ATXN7L1: variants seen among roughly 807,000 people sequenced by gnomAD.
ATXN7L1 encodes the protein ataxin 7 like 1.
ATXN7L1 carries 15 observed loss-of-function variants against 70.8 expected under a neutral mutation model. The ratio of observed to expected loss-of-function variants is 0.21; its 90% CI spans 0.14 to 0.33. The LOEUF (loss-of-function observed/expected upper bound fraction) is 0.33, where lower values mean the gene tolerates loss of function less well. Ranked by LOEUF, ATXN7L1 falls within the 10% of genes least tolerant of loss-of-function variation. The pLI is 1.00. For synonymous variants in ATXN7L1, 440 were observed against 445.1 expected, an observed-to-expected ratio of 0.99 and a Z score of 0.14; for missense variants, 975 against 1,097.1, an observed-to-expected ratio of 0.89 and a Z score of 1.57.
intron 3 of ATXN7L1, among the ~76,000 whole-genome samples, chr7:105,774,496 T>A (rs942401239): frequency 6.6e-6 from 1 of 151,910 alleles, no homozygotes; most frequent in African/African-American, 2.4e-5. Context: ...AGATAACAGA[T>A]GTGTGCTACC....
intron 2 of ATXN7L1, among the ~76,000 whole-genome samples, chr7:105,812,919 C>T (rs1213345728): frequency 6.6e-6 from 1 of 152,120 alleles, no homozygotes; most frequent in Admixed American, 6.6e-5. Flanking sequence ...GGAGGAATAT[C>T]TAAGCCTGGG....
intron 3 of ATXN7L1, among the ~76,000 whole-genome samples, chr7:105,733,128 T>C (rs1796762774): frequency 6.6e-6 from 1 of 152,230 alleles, no homozygotes; most frequent in African/African-American, 2.4e-5. Context: ...GCAGGGGCTT[T>C]ACCTGTTTTC....
chr7:105,694,206 C>T (rs1791417385), intron 3 of ATXN7L1, among the ~76,000 whole-genome samples: 1 of 152,144 alleles, frequency 6.6e-6, no homozygotes, highest in African/African-American at 2.4e-5. Context: ...TGCCACTGCA[C>T]CTGGCTAATT....
intron 3 of ATXN7L1, among the ~76,000 whole-genome samples, chr7:105,666,117 G>T (rs1802576646): frequency 6.6e-6 from 1 of 152,142 alleles, no homozygotes; most frequent in South Asian, 2.1e-4. Context: ...CCGCTATGGG[G>T]TTCTTAAATT....
intron 3 of ATXN7L1, among the ~76,000 whole-genome samples, chr7:105,747,693 C>T (rs1798734306): frequency 6.6e-6 from 1 of 152,156 alleles, no homozygotes; most frequent in Non-Finnish European, 1.5e-5. Flanking sequence ...GGACTGAGCC[C>T]TCACCCTATG....
At chr7:105,723,163 G>A (rs1351496265) in intron 3 of ATXN7L1, among the ~76,000 whole-genome samples, 1 of 152,222 alleles carries the variant, frequency 6.6e-6, no homozygotes, top group Non-Finnish European at 1.5e-5. Context: ...CTGCAAAGCA[G>A]AGGGGCTAAG....
rs1002983012 is a variant in ATXN7L1, at chr7:105,876,449, G to A, written c.110C>T (p.Pro37Leu). Residue 37 changes from proline (P) to leucine (L), a missense_variant, in exon 1 of 12, where the codon CCC (proline) becomes CTC (leucine). By Grantham distance (98) the Pro-to-Leu change is moderately conservative. Transcript: ENST00000419735. Reference sequence around the variant, plus strand: ...TTTGCCCAGAAACGCCTCCGGACTGGGCACTTTGCGATCCAGTGTCGCCAT... The same window carrying A: ...TTTGCCCAGAAACGCCTCCGGACTGAGCACTTTGCGATCCAGTGTCGCCAT... ...RAMATLDRKV[P>L]SPEAFLGKPW... is the part of the protein sequence containing the mutation. 1.2e-6 allele frequency: 2 copies of A among 1,613,830 alleles called. No individual in the cohort carries two copies. The highest frequency in any genetic ancestry group is 1.7e-6 in the Non-Finnish European group (2 of 1,179,898).
chr7:105,731,748 A>AAAAAGAAAAGAAAAGAAAAGAAAAG (rs534062694), intron 3 of ATXN7L1, among the ~76,000 whole-genome samples: 3,421 of 106,854 alleles, frequency 0.032, 92 homozygotes, highest in South Asian at 0.045. Flanking sequence ...CTTACTCCTT[A>AAAAAGAAAAGAAAAGAAAAGAAAAG]AAAAGAAAAG....
intron 3 of ATXN7L1, chr7:105,761,314 T>G (rs1161137655): frequency 6.2e-7 from 1 of 1,609,066 alleles, no homozygotes; most frequent in African/African-American, 1.3e-5. Flanking sequence ...GGAAGCCGTC[T>G]CCAGACAATG....
intron 2 of ATXN7L1, among the ~76,000 whole-genome samples, chr7:105,820,922 G>A (rs890886341): frequency 6.6e-6 from 1 of 152,162 alleles, no homozygotes; most frequent in African/African-American, 2.4e-5. Context: ...TCCTGCTTTG[G>A]CTTCAGCCAT....
chr7:105,813,281 C>T (rs566435318), intron 2 of ATXN7L1, among the ~76,000 whole-genome samples: 1 of 152,200 alleles, frequency 6.6e-6, no homozygotes, highest in African/African-American at 2.4e-5. Flanking sequence ...TCTTAGTAAA[C>T]CCAGGTTGGC....
At chr7:105,692,063 G>T (rs1323003660) in intron 3 of ATXN7L1, among the ~76,000 whole-genome samples, 2 of 152,076 alleles carry the variant, frequency 1.3e-5, no homozygotes, top group Non-Finnish European at 1.5e-5. Flanking sequence ...AAAAGCAAAA[G>T]ATTACCACCT....
At chr7:105,671,019 A>G (rs1803503715) in intron 3 of ATXN7L1, among the ~76,000 whole-genome samples, 1 of 149,344 alleles carries the variant, frequency 6.7e-6, no homozygotes, top group South Asian at 2.2e-4. Flanking sequence ...AGGCAGGAGA[A>G]TGGCGTGAAC....
At position 105,826,935 on chromosome 7, in the gene ATXN7L1, A is replaced by G. The variant is rs1438150499; in HGVS notation, c.251-38227T>C. Among the ~76,000 whole-genome samples, 4 of 152,228 alleles carry G rather than the reference A, an allele frequency of 2.6e-5. No homozygotes were observed. The East Asian group carries it at 7.7e-4, about 29-fold the overall frequency. ...TTTACCTTTGGGATATAGAAGGAAG[A>G]GCTGATACGGTTTGCCATCGAGGAC... On this transcript the variant is annotated intron_variant, in intron 2 of 11. Transcript: ENST00000419735.
intron 2 of ATXN7L1, among the ~76,000 whole-genome samples, chr7:105,794,743 C>T (rs1454936933): frequency 6.6e-6 from 1 of 151,744 alleles, no homozygotes; most frequent in African/African-American, 2.4e-5. Context: ...TCAAATGAGG[C>T]TATAAATTGT....
intron 2 of ATXN7L1, among the ~76,000 whole-genome samples, chr7:105,820,873 C>T (rs1810033106): frequency 6.6e-6 from 1 of 152,148 alleles, no homozygotes; most frequent in African/African-American, 2.4e-5. Context: ...ACCTACCCTC[C>T]ACCCCCTTGC....
intron 3 of ATXN7L1, among the ~76,000 whole-genome samples, chr7:105,683,773 A>T (rs1805839659): frequency 1.3e-5 from 2 of 152,102 alleles, no homozygotes; most frequent in Admixed American, 1.3e-4. Context: ...ACACGAACAC[A>T]GGCTCCACTA....
chr7:105,845,515 CTT>C (rs61110572), intron 2 of ATXN7L1, among the ~76,000 whole-genome samples: 33 of 138,460 alleles, frequency 2.4e-4, no homozygotes, highest in Admixed American at 3.6e-4. Flanking sequence ...AGTACCCAGT[CTT>C]TTTTTTTTTT....
intron 2 of ATXN7L1, among the ~76,000 whole-genome samples, chr7:105,828,177 C>T (rs905685088): frequency 6.6e-6 from 1 of 152,212 alleles, no homozygotes; most frequent in African/African-American, 2.4e-5. Context: ...AGGTTCTTAA[C>T]TGCCCTTGCC....
Sources: gnomAD v4.1 joint callset for allele counts (sites outside exome capture counted in the v4.1 genomes callset) on GRCh38, gnomAD v4.1.1 for gene constraint, MANE v1.5 for transcripts, NCBI Gene and HGNC (gene_info 2026-07-23, HGNC 2026-07-21) for gene names.